WDPCP: variants seen among roughly 807,000 people sequenced by gnomAD.
The protein encoded by WDPCP is WD repeat containing planar cell polarity effector.
A neutral mutation model predicts 93.1 loss-of-function variants in WDPCP; 71 were observed. The ratio of observed to expected loss-of-function variants is 0.76; its 90% CI spans 0.63 to 0.93. WDPCP has a LOEUF of 0.93. WDPCP is among the 40% of genes least tolerant of loss of function. The pLI is 0.00. For synonymous variants in WDPCP, 315 were observed against 315.0 expected (o/e 1.00, Z 0.00); for missense variants, 844 against 887.4 (o/e 0.95, Z 0.62).
intron 14 of WDPCP, among the ~76,000 whole-genome samples, chr2:63,223,098 CTAAATA>C (rs998983008): frequency 6.6e-6 from 1 of 151,904 alleles, no homozygotes; most frequent in Admixed American, 6.6e-5. Flanking sequence ...TGTATCAGTA[CTAAATA>C]TAAATATGTC....
At chr2:63,226,292 C>T (rs1279282034) in intron 14 of WDPCP, among the ~76,000 whole-genome samples, 7 of 151,746 alleles carry the variant, frequency 4.6e-5, no homozygotes, top group Non-Finnish European at 4.4e-5. Context: ...CCTAGGGATT[C>T]CTCCCTTCAA....
intron 14 of WDPCP, among the ~76,000 whole-genome samples, chr2:63,212,743 C>G (rs993168579): frequency 6.7e-6 from 1 of 149,500 alleles, no homozygotes; most frequent in Non-Finnish European, 1.5e-5. Flanking sequence ...CAGAGACACA[C>G]ATAGCCTGAA....
intron 2 of WDPCP, among the ~76,000 whole-genome samples, chr2:63,785,708 A>G (rs1230486545): frequency 6.6e-6 from 1 of 152,190 alleles, no homozygotes; most frequent in African/African-American, 2.4e-5. Context: ...AACAACCACT[A>G]CAATTTTCTT....
At chr2:63,180,596 G>A (rs1008275528) in intron 14 of WDPCP, among the ~76,000 whole-genome samples, 4 of 152,032 alleles carry the variant, frequency 2.6e-5, no homozygotes, top group South Asian at 2.1e-4. Context: ...TGATGTAAAC[G>A]TAGGTGATTC....
chr2:63,584,156 AAAAT>A (rs1168472207), intron 1 of WDPCP, among the ~76,000 whole-genome samples: 1 of 152,088 alleles, frequency 6.6e-6, no homozygotes, highest in Non-Finnish European at 1.5e-5. Context: ...AGATGGCCTC[AAAAT>A]AAATAAATGA....
intron 1 of WDPCP, among the ~76,000 whole-genome samples, chr2:63,566,816 G>A (rs1707098149): frequency 6.6e-6 from 1 of 152,200 alleles, no homozygotes; most frequent in African/African-American, 2.4e-5. Context: ...TGATACTTAT[G>A]ACTGACTAGC....
intron 1 of WDPCP, among the ~76,000 whole-genome samples, chr2:63,816,169 A>C (rs925481103): frequency 6.6e-6 from 1 of 152,216 alleles, no homozygotes; most frequent in African/African-American, 2.4e-5. Context: ...CACATTTTAT[A>C]TTAAGATAAT....
upstream of WDPCP, among the ~76,000 whole-genome samples, chr2:63,830,764 C>T (rs996517124): frequency 6.6e-5 from 10 of 152,246 alleles, no homozygotes; most frequent in Admixed American, 2.0e-4. Context: ...CTTATTCTCT[C>T]TCAGTTTTCC....
chr2:63,748,702 G>T (rs1410806199), intron 2 of WDPCP, among the ~76,000 whole-genome samples: 1 of 151,990 alleles, frequency 6.6e-6, no homozygotes, highest in Non-Finnish European at 1.5e-5. Flanking sequence ...TTTATAGCTG[G>T]TATGTGAAAT....
At chr2:63,547,647 C>T (rs1705251393) in intron 1 of WDPCP, among the ~76,000 whole-genome samples, 1 of 150,350 alleles carries the variant, frequency 6.7e-6, no homozygotes. Flanking sequence ...TCATTTGCAG[C>T]AACATAGATG....
intron 9 of WDPCP, among the ~76,000 whole-genome samples, chr2:63,408,015 A>G (rs1185718937): frequency 2.6e-5 from 4 of 152,176 alleles, no homozygotes; most frequent in Non-Finnish European, 4.4e-5. Flanking sequence ...CTTGTTTGCA[A>G]AGTTTGTGAG....
In WDPCP at chr2:63,484,515, A is replaced by C. The variant is rs886368501; in HGVS notation, c.384+89T>G. 14 of 1,514,464 alleles carry C rather than the reference A, an allele frequency of 9.2e-6. No homozygotes were observed. The African/African-American group carries it at 1.9e-4, about 21-fold the overall frequency. The allele number at this position is 1,514,464 out of a possible 1,614,324, so 93.8% of individuals were successfully genotyped here. On this transcript the variant is annotated intron_variant, in intron 6 of 17. Coordinates refer to ENST00000272321, the MANE Select transcript of WDPCP (RefSeq NM_015910.7). ...ACCACTGCTAAAAAAGTTTTTGTCCATTACCTAACATAACACAAGAATACC... is the reference window on the plus strand; with the variant it reads ...ACCACTGCTAAAAAAGTTTTTGTCCCTTACCTAACATAACACAAGAATACC...
intron 17 of WDPCP, among the ~76,000 whole-genome samples, chr2:63,134,593 T>C (rs1454073877): frequency 6.6e-6 from 1 of 152,240 alleles, no homozygotes; most frequent in African/African-American, 2.4e-5. Context: ...GTGTTTTTAA[T>C]ATGAAATTCT....
intron 2 of WDPCP, among the ~76,000 whole-genome samples, chr2:63,773,980 T>G (rs1051230987): frequency 6.6e-6 from 1 of 152,052 alleles, no homozygotes; most frequent in Admixed American, 6.6e-5. Context: ...TATGGAGACT[T>G]AAAAATATAG....
At chr2:63,434,776 G>C (rs1697023354) in intron 8 of WDPCP, among the ~76,000 whole-genome samples, 1 of 152,114 alleles carries the variant, frequency 6.6e-6, no homozygotes, top group Non-Finnish European at 1.5e-5. Flanking sequence ...TCTTATCAGA[G>C]AAATGCTTCT....
At chr2:63,165,147 A>C (rs1672873819) in intron 15 of WDPCP, among the ~76,000 whole-genome samples, 1 of 152,218 alleles carries the variant, frequency 6.6e-6, no homozygotes, top group Non-Finnish European at 1.5e-5. Flanking sequence ...TATGTAAGAG[A>C]CAAAGTGGAA....
intron 13 of WDPCP, among the ~76,000 whole-genome samples, chr2:63,300,293 T>A (rs1341604081): frequency 1.3e-5 from 2 of 152,136 alleles, no homozygotes; most frequent in Admixed American, 1.3e-4. Context: ...ACCCAGACAA[T>A]GTAGCCACTT....
Position 63,327,316 on chromosome 2 carries a change from T to G in WDPCP, c.1749-14005A>C, listed in dbSNP as rs1319086224. ...CATCTATACCAATTCTAAGTTAATA[T>G]GGACTGAATGAGGTTTTATTAATAT... On this transcript the variant is annotated intron_variant, in intron 12 of 17. Transcript: ENST00000272321. Among the ~76,000 whole-genome samples the G allele has an allele frequency of 2.6e-5, 4 of 152,176 alleles. No individual in the cohort carries two copies. The South Asian group carries it at 8.3e-4, about 32-fold the overall frequency.
chr2:63,776,000 G>T (rs1315307654), intron 2 of WDPCP, among the ~76,000 whole-genome samples: 1 of 151,488 alleles, frequency 6.6e-6, no homozygotes, highest in East Asian at 2.0e-4. Flanking sequence ...AGAGTTTGAG[G>T]CTGCAGTGAG....
Sources: allele counts gnomAD v4.1 joint callset (sites outside exome capture counted in the v4.1 genomes callset), GRCh38; gene constraint gnomAD v4.1.1; transcripts MANE v1.5; gene names NCBI Gene and HGNC (gene_info 2026-07-23, HGNC 2026-07-21).